The following DTNBP1 variants were observed in gnomAD, a reference collection of about 807,000 sequenced individuals.
DTNBP1 encodes dysbindin.
Under a neutral mutation model 42.8 loss-of-function variants are expected in DTNBP1, and 35 were observed. The observed-to-expected ratio is 0.82, with a 90% CI of 0.63 to 1.09. The LOEUF is 1.09. Among genes scored for constraint, DTNBP1 ranks in the 50% least tolerant of loss-of-function variants. The probability of loss-of-function intolerance (pLI) is 0.00; values close to 1 mark genes in which losing one functional copy is unlikely to be tolerated. For missense variants in DTNBP1, 457 were observed against 424.2 expected (o/e 1.08, Z -0.68); for synonymous variants, 171 against 162.2 (o/e 1.05, Z -0.41).
At chr6:15,576,060 A>C (rs1775549665) in intron 7 of DTNBP1, among the ~76,000 whole-genome samples, 1 of 152,116 alleles carries the variant, frequency 6.6e-6, no homozygotes, top group African/African-American at 2.4e-5. Context: ...AAGATATTAT[A>C]GGCGAGACCA....
Position 15,587,754 on chromosome 6 carries a change from G to GT in DTNBP1, c.511+5304dup. Among the ~76,000 whole-genome samples, 1 of 152,140 alleles carries GT rather than the reference G, an allele frequency of 6.6e-6. No individual in the cohort carries two copies. The highest frequency in any genetic ancestry group is 1.5e-5 in the Non-Finnish European group (1 of 68,024). On this transcript the variant is annotated intron_variant, in intron 7 of 9. Transcript: ENST00000344537. This position sits in a 1 kb window ranked among gnomAD's most constrained non-coding sequence, Gnocchi z 4.1. The stretch of plus-strand genomic sequence containing the variant: ...TTCTGAGACAACTGAATATCGATAC[G>GT]TAAAAAAATGAAGGTAGACTTTTAA...
rs1772220413 is a variant in DTNBP1 at position 15,524,548 on chromosome 6, G to T, written c.789C>A (p.Asn263Lys). The stretch of plus-strand genomic sequence containing the variant: ...TACCTAAGGCGGGGGACAGCACAGT[G>T]TTCTCTTCTCCTCCAGAGTTCAGGA... ...DVFLNSGGEE[N>K]TVLSPALGPE... Residue 263 changes from asparagine (N) to lysine (K), a missense_variant, in exon 9 of 10, where the codon AAC (asparagine) becomes AAA (lysine). By Grantham distance (94) the Asn-to-Lys change is moderately conservative (BLOSUM62 0). Transcript: ENST00000344537. 6.2e-7 allele frequency: 1 copy of T among 1,609,952 alleles called. No homozygotes were observed. The highest frequency in any genetic ancestry group is 1.3e-5 in the African/African-American group (1 of 74,852).
At chr6:15,605,575 A>C (rs896679898) in intron 6 of DTNBP1, among the ~76,000 whole-genome samples, 3 of 152,094 alleles carry the variant, frequency 2.0e-5, no homozygotes, top group Admixed American at 1.3e-4. Flanking sequence ...TTTCTTTATA[A>C]ATTTATCATC....
chr6:15,532,184 C>T (rs911571876), intron 8 of DTNBP1, among the ~76,000 whole-genome samples: 2 of 152,190 alleles, frequency 1.3e-5, no homozygotes, highest in Non-Finnish European at 2.9e-5. Context: ...TGCCGGGGGT[C>T]TGGTACTGCC....
At chr6:15,599,858 T>C (rs1165095677) in intron 6 of DTNBP1, among the ~76,000 whole-genome samples, 3 of 152,346 alleles carry the variant, frequency 2.0e-5, no homozygotes, top group African/African-American at 7.2e-5. Context: ...ATCACCTTTG[T>C]GTTACTGATT....
At chr6:15,606,224 T>G (rs180751517) in intron 6 of DTNBP1, among the ~76,000 whole-genome samples, 1 of 152,248 alleles carries the variant, frequency 6.6e-6, no homozygotes, top group Non-Finnish European at 1.5e-5. Context: ...ATTTTGTGTT[T>G]ATTTATTTTA....
intron 7 of DTNBP1, among the ~76,000 whole-genome samples, chr6:15,554,444 G>T (rs910453902): frequency 1.3e-5 from 2 of 152,090 alleles, no homozygotes; most frequent in South Asian, 4.1e-4. Flanking sequence ...TAGGATGGGT[G>T]AGGGAAAGAT....
intron 7 of DTNBP1, among the ~76,000 whole-genome samples, chr6:15,590,738 T>C (rs1427022142): frequency 1.3e-5 from 2 of 152,204 alleles, no homozygotes; most frequent in African/African-American, 4.8e-5. Flanking sequence ...GTTTCAATAA[T>C]CTTGTAGAGA....
intron 7 of DTNBP1, among the ~76,000 whole-genome samples, chr6:15,584,265 TA>T (rs1775962116): frequency 6.6e-6 from 1 of 152,182 alleles, no homozygotes; most frequent in South Asian, 2.1e-4. Context: ...ATGAATGATC[TA>T]AAATATTAAA....
At chr6:15,534,060 C>T (rs1773058424) in intron 7 of DTNBP1, among the ~76,000 whole-genome samples, 1 of 152,188 alleles carries the variant, frequency 6.6e-6, no homozygotes, top group African/African-American at 2.4e-5. Flanking sequence ...AAGGCAAATG[C>T]TGTGTGCTTC....
At chr6:15,645,001 T>C (rs1015742950) in intron 3 of DTNBP1, among the ~76,000 whole-genome samples, 1 of 151,026 alleles carries the variant, frequency 6.6e-6, no homozygotes, top group South Asian at 2.1e-4. Context: ...GTTAGATATT[T>C]GAAAAGATAA....
chr6:15,555,157 G>C (rs980652123), intron 7 of DTNBP1, among the ~76,000 whole-genome samples: 7 of 150,240 alleles, frequency 4.7e-5, no homozygotes, highest in African/African-American at 1.7e-4. Context: ...ACGGGGCTTA[G>C]GATTTTATTT....
At chr6:15,541,328 G>A (rs1773549972) in intron 7 of DTNBP1, among the ~76,000 whole-genome samples, 1 of 151,976 alleles carries the variant, frequency 6.6e-6, no homozygotes, top group Non-Finnish European at 1.5e-5. Context: ...AATGATGGGA[G>A]GATATTTGAA....
At chr6:15,526,887 A>T (rs946373873) in intron 8 of DTNBP1, among the ~76,000 whole-genome samples, 3 of 152,204 alleles carry the variant, frequency 2.0e-5, no homozygotes, top group African/African-American at 7.2e-5. Flanking sequence ...AACAAATAAG[A>T]TGGTAATGGG....
intron 9 of DTNBP1, chr6:15,523,709 T>C: frequency 3.9e-6 from 5 of 1,287,292 alleles, no homozygotes; most frequent in Non-Finnish European, 5.1e-6. Context: ...TCACTGTTTC[T>C]AAATCTTCCC....
Position 15,608,831 on chromosome 6 carries a change from T to C in DTNBP1, c.488+6436A>G, listed in dbSNP as rs141444911. Among the ~76,000 whole-genome samples, 295 of 152,360 alleles carry C rather than the reference T, an allele frequency of 1.9e-3. 4 individuals carry two copies. In the Middle Eastern group the frequency reaches 0.024, roughly 12 times the overall value. ...TCCTGATCCTTAATATAAAAGCCTTTTTTGAAGGCTTTTATGATCTTTATT... is the reference window on the plus strand; with the variant it reads ...TCCTGATCCTTAATATAAAAGCCTTCTTTGAAGGCTTTTATGATCTTTATT... On this transcript the variant is annotated intron_variant, in intron 6 of 9. Transcript: ENST00000344537.
At chr6:15,548,960 T>C (rs1303715524) in intron 7 of DTNBP1, among the ~76,000 whole-genome samples, 8 of 152,200 alleles carry the variant, frequency 5.3e-5, no homozygotes, top group Admixed American at 4.6e-4. Context: ...TTTTCTATCT[T>C]ATTCATTCAA....
intron 7 of DTNBP1, among the ~76,000 whole-genome samples, chr6:15,581,818 G>T (rs1247705685): frequency 6.6e-6 from 1 of 152,108 alleles, no homozygotes; most frequent in Non-Finnish European, 1.5e-5. Flanking sequence ...ATCAGCATCT[G>T]CAATAGAGAA....
At chr6:15,545,301 T>C (rs2113376950) in intron 7 of DTNBP1, among the ~76,000 whole-genome samples, 1 of 152,336 alleles carries the variant, frequency 6.6e-6, no homozygotes, top group Middle Eastern at 3.4e-3. Context: ...CATCAATAAT[T>C]AGTTTTCAAA....
Sources: gnomAD v4.1 joint callset for allele counts (sites outside exome capture counted in the v4.1 genomes callset) on GRCh38, gnomAD v4.1.1 for gene constraint, Gnocchi (gnomAD v3.1) non-coding constraint, MANE v1.5 for transcripts, NCBI Gene and HGNC (gene_info 2026-07-23, HGNC 2026-07-21) for gene names.